DOCK9: variants seen among roughly 807,000 people sequenced by gnomAD.
The protein encoded by DOCK9 is dedicator of cytokinesis protein 9.
DOCK9 carries 89 observed loss-of-function variants against 263.3 expected under a neutral mutation model. The observed-to-expected ratio is 0.34, with a 90% confidence interval of 0.28 to 0.40. The LOEUF is 0.40. DOCK9 is among the 10% of genes least tolerant of loss of function. The pLI is 1.00. For synonymous variants in DOCK9, 976 were observed against 973.1 expected (o/e 1.00, Z -0.06); for missense variants, 2,140 against 2,603.4 (o/e 0.82, Z 3.87).
intron 1 of DOCK9, among the ~76,000 whole-genome samples, chr13:99,035,662 T>G (rs1481313416): frequency 6.6e-6 from 1 of 152,224 alleles, no homozygotes; most frequent in African/African-American, 2.4e-5. Flanking sequence ...CTGTTTACAC[T>G]TGGACTAAGA....
At chr13:98,886,703 A>C (rs2045747456) in intron 18 of DOCK9, 79 bp from the exon 19 acceptor site, 4 of 1,330,586 alleles carry the variant, frequency 3.0e-6, no homozygotes, top group East Asian at 2.4e-5. Flanking sequence ...GTAAAGGAGG[A>C]GGCATTCCTA....
intron 45 of DOCK9, among the ~76,000 whole-genome samples, chr13:98,812,092 T>A (rs1267979721): frequency 6.6e-6 from 1 of 151,588 alleles, no homozygotes; most frequent in Non-Finnish European, 1.5e-5. Context: ...TTTGTTCCAT[T>A]GATATATGTG....
At chr13:98,840,813 C>T (rs1426200679) in intron 38 of DOCK9, among the ~76,000 whole-genome samples, 2 of 152,100 alleles carry the variant, frequency 1.3e-5, no homozygotes, top group East Asian at 1.9e-4. Context: ...AATTCTTGTT[C>T]GTATTTTGAC....
At chr13:98,996,541 G>C (rs1417383526) in intron 1 of DOCK9, among the ~76,000 whole-genome samples, 1 of 152,184 alleles carries the variant, frequency 6.6e-6, no homozygotes, top group African/African-American at 2.4e-5. Context: ...CAAAATCAAA[G>C]AATTTCTGAC....
intron 1 of DOCK9, among the ~76,000 whole-genome samples, chr13:99,054,741 G>A (rs1014913050): frequency 1.3e-5 from 2 of 152,070 alleles, no homozygotes; most frequent in East Asian, 1.9e-4. Flanking sequence ...TCTTAACTAC[G>A]CCAGTATCAC....
At chr13:98,877,028 G>A (rs544180506) in intron 27 of DOCK9, among the ~76,000 whole-genome samples, 56 of 152,336 alleles carry the variant, frequency 3.7e-4, no homozygotes, top group African/African-American at 1.2e-3. Flanking sequence ...TACAGAAAAG[G>A]TTGTGCATGG....
chr13:99,056,903 T>C (rs560347468), intron 1 of DOCK9, among the ~76,000 whole-genome samples: 1 of 152,298 alleles, frequency 6.6e-6, no homozygotes, highest in African/African-American at 2.4e-5. Flanking sequence ...AGAAGCCACA[T>C]TCCTACAGAT....
Position 98,995,304 on chromosome 13 carries a change from G to A in DOCK9, c.130-39753C>T, listed in dbSNP as rs561526537. 3.9e-5 allele frequency among the ~76,000 whole-genome samples: 6 copies of A among 152,262 alleles called. No individual in the cohort carries two copies. In the East Asian group the frequency reaches 7.7e-4, roughly 20 times the overall value. On this transcript the variant is annotated intron_variant, in intron 1 of 32. Coordinates refer to the DOCK9 transcript ENST00000427887. Reference sequence around the variant, plus strand: ...CCAGCAAGCAGGCTGGAAGGAAGGAGTATTGGGAGATGTGCTGACCAGGCT... The same window carrying A: ...CCAGCAAGCAGGCTGGAAGGAAGGAATATTGGGAGATGTGCTGACCAGGCT...
intron 6 of DOCK9, among the ~76,000 whole-genome samples, chr13:98,921,842 C>T (rs2052050974): frequency 6.6e-6 from 1 of 152,144 alleles, no homozygotes; most frequent in Non-Finnish European, 1.5e-5. Context: ...GGATGGTCTC[C>T]TTATGCTGGT....
At chr13:98,967,652 A>C (rs2059341726) in intron 1 of DOCK9, among the ~76,000 whole-genome samples, 1 of 152,212 alleles carries the variant, frequency 6.6e-6, no homozygotes, top group Non-Finnish European at 1.5e-5. Context: ...AGGATGCTTC[A>C]GGCTCCACGT....
At chr13:98,922,211 T>C (rs1241309011) in intron 5 of DOCK9, 65 bp from the exon 6 acceptor site, 10 of 1,261,048 alleles carry the variant, frequency 7.9e-6, no homozygotes, top group African/African-American at 7.4e-5. Flanking sequence ...TGCTGTGAGT[T>C]TGGTCAATGG....
intron 1 of DOCK9, among the ~76,000 whole-genome samples, chr13:98,966,915 C>T (rs1482451819): frequency 6.6e-6 from 1 of 152,186 alleles, no homozygotes; most frequent in African/African-American, 2.4e-5. Flanking sequence ...GCATCAGCAT[C>T]ACCTGAAACA....
At chr13:98,969,805 C>A (rs1037346041) in intron 1 of DOCK9, among the ~76,000 whole-genome samples, 10 of 152,126 alleles carry the variant, frequency 6.6e-5, no homozygotes, top group Non-Finnish European at 1.0e-4. Flanking sequence ...TGTGAAAGCA[C>A]CCCAGGTGGA....
chr13:98,948,407 T>G (rs2056989590), intron 2 of DOCK9, among the ~76,000 whole-genome samples: 1 of 152,206 alleles, frequency 6.6e-6, no homozygotes, highest in Admixed American at 6.5e-5. Context: ...ACCATGAATA[T>G]CAGTGGGAAA....
chr13:98,906,926 C>T (rs569409807), intron 9 of DOCK9, among the ~76,000 whole-genome samples: 79 of 152,266 alleles, frequency 5.2e-4, no homozygotes, highest in Non-Finnish European at 1.0e-3. Context: ...AAGTCTGTTG[C>T]CACACCAAGT....
upstream of DOCK9, among the ~76,000 whole-genome samples, chr13:98,978,823 A>AT (rs1876083636): frequency 6.6e-6 from 1 of 152,206 alleles, no homozygotes; most frequent in South Asian, 2.1e-4. Context: ...AGATGCACAA[A>AT]AGCACGGGAA....
At chr13:98,946,846 T>TGGA (rs1273054345) in intron 2 of DOCK9, among the ~76,000 whole-genome samples, 2 of 152,164 alleles carry the variant, frequency 1.3e-5, no homozygotes, top group East Asian at 3.9e-4. Context: ...TCCCTAGCCA[T>TGGA]GGAGAGACTG....
At chr13:98,844,220 G>T (rs965256337) in intron 38 of DOCK9, among the ~76,000 whole-genome samples, 1 of 152,188 alleles carries the variant, frequency 6.6e-6, no homozygotes, top group Non-Finnish European at 1.5e-5. Flanking sequence ...TAGCCTTAAA[G>T]GTGTCACTCA....
chr13:99,027,099 A>T (rs1038369693), intron 1 of DOCK9, among the ~76,000 whole-genome samples: 1 of 152,090 alleles, frequency 6.6e-6, no homozygotes, highest in African/African-American at 2.4e-5. Context: ...GGCTCACTGC[A>T]ACCTCTGCCT....
Sources: allele counts gnomAD v4.1 joint callset (sites outside exome capture counted in the v4.1 genomes callset), GRCh38; gene constraint gnomAD v4.1.1; transcripts MANE v1.5; gene names NCBI Gene and HGNC (gene_info 2026-07-23, HGNC 2026-07-21).